The following ADCY10 variants were observed in gnomAD, a reference collection of about 807,000 sequenced individuals.
The protein encoded by ADCY10 is adenylate cyclase type 10.
A neutral mutation model predicts 183.3 loss-of-function variants in ADCY10; 156 were observed. That is an observed-to-expected ratio of 0.85 (90% CI 0.75 to 0.97). The LOEUF is 0.97. Among genes scored for constraint, ADCY10 ranks in the 50% least tolerant of loss-of-function variants. ADCY10 has a pLI of 0.00. For missense variants in ADCY10, 1,745 were observed against 1,934.3 expected (o/e 0.90, Z 1.84); for synonymous variants, 645 against 670.0 (o/e 0.96, Z 0.58).
chr1:167,814,659 TAACA>T (rs1662415853), intron 31 of ADCY10, among the ~76,000 whole-genome samples: 1 of 152,014 alleles, frequency 6.6e-6, no homozygotes, highest in African/African-American at 2.4e-5. Context: ...CAACTAAATA[TAACA>T]AACATACACT....
chr1:167,893,758 C>T, intron 8 of ADCY10, 95 bp downstream of exon 8: 1 of 567,766 alleles, frequency 1.8e-6, no homozygotes. Flanking sequence ...TTACTATTTA[C>T]TAGTAGCTGC....
chr1:167,823,629 A>T (rs1663070135), intron 28 of ADCY10, among the ~76,000 whole-genome samples: 1 of 152,084 alleles, frequency 6.6e-6, no homozygotes, highest in South Asian at 2.1e-4. Flanking sequence ...CTATTGAATA[A>T]AAAAAGCAGT....
intron 8 of ADCY10, among the ~76,000 whole-genome samples, chr1:167,887,085 T>G (rs1028496675): frequency 2.0e-5 from 3 of 152,170 alleles, no homozygotes; most frequent in East Asian, 1.9e-4. Context: ...GGAACACTTT[T>G]ACACTGTTGG....
chr1:167,812,880 A>G (rs991265580), intron 31 of ADCY10, among the ~76,000 whole-genome samples: 2 of 152,198 alleles, frequency 1.3e-5, no homozygotes, highest in African/African-American at 4.8e-5. Flanking sequence ...TAAAAAAATC[A>G]CTAGAGGGAT....
At chr1:167,867,776 C>T (rs894291957) in intron 14 of ADCY10, among the ~76,000 whole-genome samples, 2 of 149,540 alleles carry the variant, frequency 1.3e-5, no homozygotes, top group African/African-American at 2.5e-5. Flanking sequence ...GTTCTTTAAA[C>T]TGAAAAAAAA....
intron 1 of ADCY10, among the ~76,000 whole-genome samples, chr1:167,908,174 G>T (rs1362348562): frequency 6.6e-6 from 1 of 152,158 alleles, no homozygotes; most frequent in Non-Finnish European, 1.5e-5. Flanking sequence ...CATATGAATG[G>T]ATAAAGAAAA....
chr1:167,865,687 A>T (rs894441657), intron 14 of ADCY10, among the ~76,000 whole-genome samples: 2 of 152,242 alleles, frequency 1.3e-5, no homozygotes, highest in African/African-American at 4.8e-5. Flanking sequence ...TAGAAGTTAA[A>T]GACTTAAAAC....
Position 167,818,276 on chromosome 1 carries a change from C to T in ADCY10, c.4287-9G>A. 6.2e-7 allele frequency: 1 copy of T among 1,612,044 alleles called. No homozygotes were observed. The highest frequency in any genetic ancestry group is 8.5e-7 in the Non-Finnish European group (1 of 1,178,136). On this transcript the variant is annotated splice_polypyrimidine_tract_variant and intron_variant, in intron 30 of 32. Transcript: ENST00000367851. ...CCTGAAGTCTGGCATACCTGCATTA[C>T]CACAAGAGAATAAGAAAAATCAGTA...
intron 16 of ADCY10, among the ~76,000 whole-genome samples, chr1:167,859,198 G>A (rs74120514): frequency 0.024 from 3,598 of 152,244 alleles, 141 homozygotes; most frequent in African/African-American, 0.082. Flanking sequence ...TAGGAATATG[G>A]TTTTGGTGTT....
chr1:167,834,280 T>C (rs1664023517), intron 23 of ADCY10, among the ~76,000 whole-genome samples: 1 of 152,202 alleles, frequency 6.6e-6, no homozygotes, highest in African/African-American at 2.4e-5. Context: ...ACCTTCATGC[T>C]TACCTTTGTC....
At chr1:167,869,110 G>T (rs1164434145) in intron 14 of ADCY10, among the ~76,000 whole-genome samples, 1 of 152,192 alleles carries the variant, frequency 6.6e-6, no homozygotes, top group Non-Finnish European at 1.5e-5. Flanking sequence ...TGACAAAACT[G>T]GCACATATGC....
chr1:167,902,165 G>T, intron 3 of ADCY10, 111 bp from the exon 4 acceptor site: 1 of 1,076,044 alleles, frequency 9.3e-7, no homozygotes. Flanking sequence ...GTGATTCAGA[G>T]AATAGGCTTA....
chr1:167,904,234 T>C (rs1381609570), intron 2 of ADCY10, among the ~76,000 whole-genome samples: 2 of 151,968 alleles, frequency 1.3e-5, no homozygotes, highest in Non-Finnish European at 2.9e-5. Context: ...ACTATAAGCG[T>C]GCGCCACCAT....
chr1:167,868,989 C>G (rs1166212761), intron 14 of ADCY10, among the ~76,000 whole-genome samples: 1 of 152,208 alleles, frequency 6.6e-6, no homozygotes, highest in African/African-American at 2.4e-5. Context: ...TCGACTACTT[C>G]TAGCAGCTGA....
At chr1:167,904,024 G>T (rs1243149447) in intron 2 of ADCY10, 33 bp from the exon 3 acceptor site, 2 of 1,487,174 alleles carry the variant, frequency 1.3e-6, no homozygotes, top group Non-Finnish European at 1.9e-6. Flanking sequence ...TTCCTTGGCT[G>T]CTTGGGGGAA....
At chr1:167,860,544 A>G (rs572456752) in intron 15 of ADCY10, among the ~76,000 whole-genome samples, 55 of 152,348 alleles carry the variant, frequency 3.6e-4, no homozygotes, top group African/African-American at 1.1e-3. Flanking sequence ...ATAATTCAGG[A>G]AAAGACAGGG....
chr1:167,899,718 G>A, intron 5 of ADCY10, 90 bp from the exon 6 acceptor site: 2 of 1,226,816 alleles, frequency 1.6e-6, no homozygotes, highest in Non-Finnish European at 2.3e-6. Context: ...AATCTTGGTG[G>A]GACTATACTA....
chr1:167,840,711 T>C (rs1278127975), intron 21 of ADCY10, among the ~76,000 whole-genome samples: 3 of 151,548 alleles, frequency 2.0e-5, no homozygotes, highest in East Asian at 3.9e-4. Flanking sequence ...GATATTATAT[T>C]AAGAGTTTCC....
intron 3 of ADCY10, 121 bp from the exon 4 acceptor site, chr1:167,902,175 A>C (rs758905322): frequency 1.0e-6 from 1 of 992,294 alleles, no homozygotes; most frequent in African/African-American, 1.6e-5. Context: ...GAATAGGCTT[A>C]TACTAAAGAT....
Sources: gnomAD v4.1 joint callset for allele counts (sites outside exome capture counted in the v4.1 genomes callset) on GRCh38, gnomAD v4.1.1 for gene constraint, MANE v1.5 for transcripts, NCBI Gene and HGNC (gene_info 2026-07-23, HGNC 2026-07-21) for gene names.